CAGE1: variants seen among roughly 807,000 people sequenced by gnomAD.
CAGE1 encodes cancer antigen 1, also known as cancer-associated gene 1 protein.
CAGE1 carries 66 observed loss-of-function variants against 94.9 expected under a neutral mutation model. The ratio of observed to expected loss-of-function variants is 0.70; its 90% CI spans 0.57 to 0.85. CAGE1 has a LOEUF of 0.85. Ranked by LOEUF, CAGE1 falls within the 40% of genes least tolerant of loss-of-function variation. The pLI is 0.00. For missense variants in CAGE1, 865 were observed against 950.4 expected, an observed-to-expected ratio of 0.91 and a Z score of 1.18; for synonymous variants, 319 against 321.0, an observed-to-expected ratio of 0.99 and a Z score of 0.07.
intron 13 of CAGE1, among the ~76,000 whole-genome samples, chr6:7,329,437 A>G (rs898857720): frequency 1.3e-5 from 2 of 152,202 alleles, no homozygotes; most frequent in Non-Finnish European, 2.9e-5. Flanking sequence ...GATTTGATCC[A>G]GAATGTGATT....
In CAGE1 at chr6:7,339,593, G is replaced by A. The variant is rs934780908; in HGVS notation, c.2370-5503C>T. The A allele has an allele frequency of 2.1e-5, 15 of 724,858 alleles. No individual in the cohort carries two copies. Among genetic ancestry groups the A allele is most frequent in the African/African-American group, 1.7e-5 (1 of 57,964 alleles). The allele number at this position is 724,858 out of a possible 1,614,324, so 44.9% of individuals were successfully genotyped here. On this transcript the variant is annotated intron_variant, in intron 11 of 13. Transcript: ENST00000502583. This position sits in a 1 kb window ranked among gnomAD's most constrained non-coding sequence, Gnocchi z 4.7. Reference sequence around the variant, plus strand: ...TCTTGCCGCCATGCTCCGCTGAAAGGAAAGGCACTGTATCATTCTTATGCC... The same window carrying A: ...TCTTGCCGCCATGCTCCGCTGAAAGAAAAGGCACTGTATCATTCTTATGCC...
At chr6:7,369,232 T>C (rs550513828) in intron 6 of CAGE1, among the ~76,000 whole-genome samples, 3 of 152,222 alleles carry the variant, frequency 2.0e-5, no homozygotes, top group African/African-American at 7.2e-5. Flanking sequence ...GGTCTCGAAC[T>C]CCTGACCTCA....
At chr6:7,383,994 CT>C (rs1217352511) in intron 3 of CAGE1, among the ~76,000 whole-genome samples, 2 of 152,044 alleles carry the variant, frequency 1.3e-5, no homozygotes, top group Non-Finnish European at 2.9e-5. Context: ...TTCTTCTAAA[CT>C]TTCTTATTAG....
chr6:7,356,144 C>A lies in CAGE1; in HGVS notation c.2194-15G>T. On this transcript the variant is annotated splice_polypyrimidine_tract_variant and intron_variant, in intron 9 of 13. Coordinates refer to ENST00000502583, the MANE Select transcript of CAGE1 (RefSeq NM_001170692.2). Reference sequence around the variant, plus strand: ...AGTTTTGTGATCTATGGAGAAATATCAGTAAACATACTAATCTGGAACCTG... The same window carrying A: ...AGTTTTGTGATCTATGGAGAAATATAAGTAAACATACTAATCTGGAACCTG... The A allele has an allele frequency of 7.2e-6, 10 of 1,392,016 alleles. No homozygotes were observed. Among genetic ancestry groups the A allele is most frequent in the Non-Finnish European group, 1.0e-5 (10 of 1,003,396 alleles). 86.2% of individuals were successfully genotyped at this position (1,392,016 alleles called of 1,614,324 possible).
rs1311919141 is a variant in CAGE1, at chr6:7,373,487, G to T, written c.1332C>A (p.Thr444=). The change falls in exon 5 of 14, where the codon ACC becomes ACA. Residue 444 remains threonine, a synonymous_variant. Transcript: ENST00000502583. ...CTACCTCTTCTTCTTTCTTGCTTAA[G>T]GTTTTGTCCATCTCTAAATACTGAC... The part of the protein sequence containing the change: ...SVSQYLEMDK[T]LSKKEEEVER... 1 of 1,613,638 alleles carries T rather than the reference G, an allele frequency of 6.2e-7. No homozygotes were observed.
At chr6:7,345,504 G>T (rs991613389) in intron 11 of CAGE1, among the ~76,000 whole-genome samples, 1 of 152,126 alleles carries the variant, frequency 6.6e-6, no homozygotes. Context: ...TTATATTTCA[G>T]CAAGATCACT....
intron 5 of CAGE1, among the ~76,000 whole-genome samples, chr6:7,372,242 C>T (rs1388785340): frequency 2.0e-5 from 3 of 152,084 alleles, no homozygotes; most frequent in African/African-American, 7.2e-5. Flanking sequence ...GAGGCTGAGG[C>T]AGGTGGATCA....
At chr6:7,387,291 T>G in intron 1 of CAGE1, 95 bp from the exon 2 acceptor site, 1 of 650,706 alleles carries the variant, frequency 1.5e-6, no homozygotes. Context: ...TCACTGCCCT[T>G]ATTTGAAATG....
intron 11 of CAGE1, among the ~76,000 whole-genome samples, chr6:7,345,050 C>T (rs9392879): frequency 0.099 from 15,083 of 152,208 alleles, 1,535 homozygotes; most frequent in African/African-American, 0.26. Flanking sequence ...CCAGCAGCGG[C>T]AGATGGCTGG....
rs1561860904 is a variant in CAGE1 at position 7,365,788 on chromosome 6, T to C, written c.2085+16A>G. On this transcript the variant is annotated intron_variant, in intron 8 of 13. Coordinates refer to ENST00000502583, the MANE Select transcript of CAGE1 (RefSeq NM_001170692.2). ...TTTTTATGTTAAAGATAGTACGTAGTAAATATTAAGCTCACCTTAATAGCA... is the reference window on the plus strand; with the variant it reads ...TTTTTATGTTAAAGATAGTACGTAGCAAATATTAAGCTCACCTTAATAGCA... The C allele has an allele frequency of 6.9e-7, 1 of 1,456,422 alleles. No homozygotes were observed. Among genetic ancestry groups the C allele is most frequent in the East Asian group, 2.5e-5 (1 of 40,354 alleles). The allele number at this position is 1,456,422 out of a possible 1,614,324, so 90.2% of individuals were successfully genotyped here.
intron 9 of CAGE1, among the ~76,000 whole-genome samples, chr6:7,360,269 G>A (rs749606515): frequency 4.6e-4 from 70 of 152,118 alleles, no homozygotes; most frequent in Non-Finnish European, 8.8e-4. Context: ...TAGGGTGTGG[G>A]AATCTTTGGG....
intron 4 of CAGE1, among the ~76,000 whole-genome samples, chr6:7,377,363 T>C (rs1223678710): frequency 6.6e-6 from 1 of 152,248 alleles, no homozygotes; most frequent in African/African-American, 2.4e-5. Context: ...TTTTAAATGC[T>C]GTCATCTACT....
intron 3 of CAGE1, 51 bp downstream of exon 3, chr6:7,385,734 C>T: frequency 8.8e-7 from 1 of 1,134,720 alleles, no homozygotes; most frequent in Non-Finnish European, 1.2e-6. Context: ...TATCACGGAA[C>T]ACAAAAAAAA....
At chr6:7,365,387 A>G (rs1760293510) in intron 9 of CAGE1, 81 bp downstream of exon 9, 11 of 1,140,900 alleles carry the variant, frequency 9.6e-6, no homozygotes, top group Non-Finnish European at 1.4e-5. Flanking sequence ...AGTTTTTTGA[A>G]GGATGATAAC....
chr6:7,370,129 A>G, intron 5 of CAGE1, 64 bp from the exon 6 acceptor site: 1 of 1,320,674 alleles, frequency 7.6e-7, no homozygotes, highest in Non-Finnish European at 1.0e-6. Flanking sequence ...CTTTTAAGTA[A>G]AATGCTGAAT....
At chr6:7,329,130 C>A in intron 13 of CAGE1, 1 of 353,290 alleles carries the variant, frequency 2.8e-6, no homozygotes, top group South Asian at 1.1e-4. Context: ...ACGAGGGTTC[C>A]CCATGTTGGT....
intron 4 of CAGE1, among the ~76,000 whole-genome samples, chr6:7,376,429 T>TAAATA (rs1554139630): frequency 2.8e-5 from 4 of 142,908 alleles, no homozygotes; most frequent in Non-Finnish European, 3.1e-5. Context: ...AATAAATAAA[T>TAAATA]AAATAAAATA....
At chr6:7,328,093 T>G (rs1006651342) in intron 13 of CAGE1, among the ~76,000 whole-genome samples, 3 of 152,130 alleles carry the variant, frequency 2.0e-5, no homozygotes, top group Admixed American at 2.0e-4. Flanking sequence ...GGCCACGGCA[T>G]TTATGAACAT....
intron 11 of CAGE1, among the ~76,000 whole-genome samples, chr6:7,346,333 C>T (rs1759533538): frequency 6.6e-6 from 1 of 151,736 alleles, no homozygotes. Flanking sequence ...GGTGGTAGGA[C>T]TGATTGAGTC....
Sources: gnomAD v4.1 joint callset for allele counts (sites outside exome capture counted in the v4.1 genomes callset) on GRCh38, gnomAD v4.1.1 for gene constraint, Gnocchi (gnomAD v3.1) non-coding constraint, MANE v1.5 for transcripts, NCBI Gene and HGNC (gene_info 2026-07-23, HGNC 2026-07-21) for gene names.